URI1: variants seen among roughly 807,000 people sequenced by gnomAD.
The protein encoded by URI1 is URI1 prefoldin like chaperone.
URI1 carries 39 observed loss-of-function variants against 60.2 expected under a neutral mutation model. The ratio of observed to expected loss-of-function variants is 0.65; its 90% CI spans 0.50 to 0.85. URI1 has a LOEUF of 0.85. URI1 is among the 40% of genes least tolerant of loss of function. The pLI is 0.00. For missense variants in URI1, 691 were observed against 665.9 expected, an observed-to-expected ratio of 1.04 and a Z score of -0.42; for synonymous variants, 251 against 236.8, an observed-to-expected ratio of 1.06 and a Z score of -0.55.
chr19:29,974,636 T>C (rs169349), intron 2 of URI1, among the ~76,000 whole-genome samples: 4,184 of 152,230 alleles, frequency 0.027, 202 homozygotes, highest in African/African-American at 0.095. Context: ...AGAGGTTTGT[T>C]GCAAAGGTGC....
chr19:29,971,377 C>T, intron 2 of URI1, 150 bp downstream of exon 2: 1 of 708,486 alleles, frequency 1.4e-6, no homozygotes, highest in Non-Finnish European at 2.4e-6. Flanking sequence ...GCCTTTAATA[C>T]TAATTTATAT....
At chr19:29,949,234 G>T (rs1259780314) in intron 1 of URI1, among the ~76,000 whole-genome samples, 3 of 150,046 alleles carry the variant, frequency 2.0e-5, no homozygotes, top group Non-Finnish European at 4.4e-5. Context: ...CTTTTCAGAC[G>T]GGGCGGCCGG....
intron 1 of URI1, among the ~76,000 whole-genome samples, chr19:29,936,323 G>A (rs969210772): frequency 4.0e-5 from 6 of 151,114 alleles, no homozygotes; most frequent in South Asian, 4.2e-4. Flanking sequence ...GGCTGGTCTC[G>A]AACTCCTGAC....
intron 1 of URI1, among the ~76,000 whole-genome samples, chr19:29,926,401 T>A (rs925506396): frequency 2.0e-5 from 3 of 152,048 alleles, no homozygotes; most frequent in Non-Finnish European, 4.4e-5. Context: ...TGCCCCAGCC[T>A]CCTGAGTAGC....
intron 4 of URI1, among the ~76,000 whole-genome samples, chr19:30,003,677 A>T (rs2055904222): frequency 6.6e-6 from 1 of 152,114 alleles, no homozygotes; most frequent in South Asian, 2.1e-4. Context: ...CTCCTATAAC[A>T]TCAGTGAACA....
rs962154029 is a variant in URI1 at position 29,942,463 on chromosome 19, C to G, written c.-85C>G. ...CGCGCGGTGCCTGAGGGCGGGCGCGCGGGCGCTGGGCAACTGCCGGCCGCG... is the reference window on the plus strand; with the variant it reads ...CGCGCGGTGCCTGAGGGCGGGCGCGGGGGCGCTGGGCAACTGCCGGCCGCG... On this transcript the variant is annotated 5_prime_UTR_variant, in exon 1 of 11. Coordinates refer to ENST00000392271, the MANE Select transcript of URI1 (RefSeq NM_003796.3). 2 of 1,036,580 alleles carry G rather than the reference C, an allele frequency of 1.9e-6. No homozygotes were observed. Among genetic ancestry groups the G allele is most frequent in the Non-Finnish European group, 2.3e-6 (2 of 863,244 alleles). 64.2% of individuals were successfully genotyped at this position (1,036,580 alleles called of 1,614,324 possible). A position where few individuals can be genotyped will look rare whatever the true frequency, so the allele number is the denominator to read the frequency against.
intron 2 of URI1, chr19:29,980,053 A>T (rs112652300): frequency 1.3e-5 from 2 of 152,180 alleles, no homozygotes; most frequent in African/African-American, 4.8e-5. Flanking sequence ...TTAAAAGGAT[A>T]CTTTGAAAAA....
At chr19:29,969,327 A>C (rs914207040) in intron 1 of URI1, among the ~76,000 whole-genome samples, 2 of 152,174 alleles carry the variant, frequency 1.3e-5, no homozygotes, top group African/African-American at 4.8e-5. Flanking sequence ...AGGGTAGACT[A>C]TGGGGAGTGA....
intron 1 of URI1, among the ~76,000 whole-genome samples, chr19:29,944,709 C>T (rs1599659045): frequency 6.6e-6 from 1 of 152,170 alleles, no homozygotes; most frequent in Non-Finnish European, 1.5e-5. Flanking sequence ...AAAATAACCA[C>T]GTATATCTGT....
chr19:29,989,084 A>G (rs1014940442), intron 4 of URI1, among the ~76,000 whole-genome samples: 16 of 150,188 alleles, frequency 1.1e-4, no homozygotes, highest in Admixed American at 6.6e-5. Context: ...TCTTTTGCCC[A>G]TTTTAAAATA....
intron 1 of URI1, among the ~76,000 whole-genome samples, chr19:29,928,434 C>T (rs756925527): frequency 5.3e-5 from 8 of 152,164 alleles, no homozygotes; most frequent in Non-Finnish European, 7.3e-5. Context: ...TGTCACGAAA[C>T]GCCCCTTTCC....
chr19:29,972,281 G>A (rs2055469481), intron 2 of URI1, among the ~76,000 whole-genome samples: 1 of 151,974 alleles, frequency 6.6e-6, no homozygotes, highest in South Asian at 2.1e-4. Flanking sequence ...TTCAATAAAT[G>A]CATCGTTGTA....
intron 1 of URI1, among the ~76,000 whole-genome samples, chr19:29,961,283 A>C (rs1373452687): frequency 4.7e-5 from 7 of 149,538 alleles, no homozygotes; most frequent in African/African-American, 1.7e-4. Context: ...TGCAAAACTG[A>C]AACTCTGTTC....
intron 2 of URI1, among the ~76,000 whole-genome samples, chr19:29,978,052 G>A (rs1360103605): frequency 6.6e-6 from 1 of 151,996 alleles, no homozygotes; most frequent in Non-Finnish European, 1.5e-5. Flanking sequence ...ATGTGACTAA[G>A]GTCAAACTGT....
In URI1 at chr19:30,009,184, C is replaced by T. The variant is rs752161061; in HGVS notation, c.866C>T (p.Ser289Leu). The change falls in exon 8 of 11, where the codon TCA (serine) becomes TTA (leucine). Residue 289 changes from serine to leucine, a missense_variant. Physicochemically the swap from Ser to Leu is moderately radical, Grantham distance 145. Transcript: ENST00000392271. ...CAAGTGAATAGTCAGTTGAACTGTT[C>T]AGTGAATGGTTCCAGTTCTTACCAC... The part of the protein sequence containing the change: ...SGQVNSQLNC[S>L]VNGSSSYHSD... The T allele has an allele frequency of 5.0e-6, 8 of 1,613,544 alleles. No individual in the cohort carries two copies. The highest frequency in any genetic ancestry group is 1.3e-5 in the African/African-American group (1 of 74,828).
chr19:29,956,820 C>A (rs1692944199), intron 1 of URI1: 1 of 1,591,958 alleles, frequency 6.3e-7, no homozygotes, highest in African/African-American at 1.3e-5. Context: ...CATTTGTCAA[C>A]CCGGAGCCTC....
Position 29,962,866 on chromosome 19 carries a change from A to G in URI1, c.118-8327A>G, listed in dbSNP as rs117319828. Among the ~76,000 whole-genome samples, 60 of 151,944 alleles carry G rather than the reference A, an allele frequency of 3.9e-4. No individual in the cohort carries two copies. In the East Asian group the frequency reaches 4.8e-3, roughly 12 times the overall value. Reference sequence around the variant, plus strand: ...TTTTTTCCTTCATGTTGGAGGATCTATTTGCTGTGTATGTCACTATAGATT... The same window carrying G: ...TTTTTTCCTTCATGTTGGAGGATCTGTTTGCTGTGTATGTCACTATAGATT... On this transcript the variant is annotated intron_variant, in intron 1 of 10. Coordinates refer to ENST00000392271, the MANE Select transcript of URI1 (RefSeq NM_003796.3).
intron 2 of URI1, among the ~76,000 whole-genome samples, chr19:29,972,238 C>T (rs2055469117): frequency 6.6e-6 from 1 of 152,040 alleles, no homozygotes; most frequent in Non-Finnish European, 1.5e-5. Context: ...ATAATATCCA[C>T]TTTATAAGTA....
At chr19:29,924,921 C>T (rs147708530) in intron 1 of URI1, among the ~76,000 whole-genome samples, 5,284 of 151,524 alleles carry the variant, frequency 0.035, 114 homozygotes, top group Non-Finnish European at 0.039. Flanking sequence ...CTGCAACCTC[C>T]GCCTCCTGGA....
Sources: gnomAD v4.1 joint callset for allele counts (sites outside exome capture counted in the v4.1 genomes callset) on GRCh38, gnomAD v4.1.1 for gene constraint, MANE v1.5 for transcripts, NCBI Gene and HGNC (gene_info 2026-07-23, HGNC 2026-07-21) for gene names.